Variants in MINAR1 observed in about 807,000 individuals in gnomAD.
MINAR1 encodes the protein membrane integral NOTCH2 associated receptor 1.
In MINAR1, 40 loss-of-function variants were observed where a neutral mutation model predicts 65.1. The ratio of observed to expected loss-of-function variants is 0.61; its 90% CI spans 0.48 to 0.80. MINAR1 has a LOEUF of 0.80. MINAR1 is among the 30% of genes least tolerant of loss of function. MINAR1 has a pLI of 0.00. For synonymous variants in MINAR1, 482 were observed against 449.1 expected, an observed-to-expected ratio of 1.07 and a Z score of -0.93; for missense variants, 1,128 against 1,148.0, an observed-to-expected ratio of 0.98 and a Z score of 0.25.
Position 79,457,615 on chromosome 15 carries a change from CTG to C in MINAR1, c.1471_1472del (p.Cys491HisfsTer9). The C allele has an allele frequency of 6.2e-7, 1 of 1,614,156 alleles. No homozygotes were observed. Among genetic ancestry groups the C allele is most frequent in the Non-Finnish European group, 8.5e-7 (1 of 1,180,034 alleles). ...GCTGGAGCCCAAGAAATGCAGAGACCTGTGCACCTCTGGTCAGGGCAAGTACA... is the reference window on the plus strand; with the variant it reads ...GCTGGAGCCCAAGAAATGCAGAGACCTGCACCTCTGGTCAGGGCAAGTACA... ...HVLEPKKCRDLCTSGQGKYSD... is the reference protein window; with the variant it reads ...HVLEPKKCRDXCTSGQGKYSD... On this transcript the variant is annotated frameshift_variant, in exon 2 of 4. Transcript: ENST00000305428. LOFTEE classifies it high-confidence loss of function.
At chr15:79,462,975 T>G in intron 2 of MINAR1, 92 bp from the exon 3 acceptor site, 1 of 1,412,074 alleles carries the variant, frequency 7.1e-7, no homozygotes, top group Non-Finnish European at 9.6e-7. Context: ...GCTACCTGAA[T>G]GTCTACAGGA....
chr15:79,441,976 T>C (rs191358243), intron 1 of MINAR1, among the ~76,000 whole-genome samples: 82 of 152,226 alleles, frequency 5.4e-4, no homozygotes, highest in African/African-American at 1.8e-3. Flanking sequence ...TTGTTCATTA[T>C]TTCATATACA....
intron 1 of MINAR1, among the ~76,000 whole-genome samples, chr15:79,436,546 G>A (rs148123077): frequency 5.2e-4 from 79 of 152,278 alleles, no homozygotes; most frequent in Middle Eastern, 6.8e-3. Flanking sequence ...ATTAAAAGCC[G>A]GATAATAAAC....
At chr15:79,433,851 G>A (rs1894521530) in intron 1 of MINAR1, among the ~76,000 whole-genome samples, 1 of 152,182 alleles carries the variant, frequency 6.6e-6, no homozygotes, top group Non-Finnish European at 1.5e-5. Flanking sequence ...CCCTCATTGA[G>A]AGCCCGGCGG....
intron 3 of MINAR1, among the ~76,000 whole-genome samples, chr15:79,467,939 T>C (rs1895933701): frequency 6.6e-6 from 1 of 152,158 alleles, no homozygotes; most frequent in Non-Finnish European, 1.5e-5. Flanking sequence ...AAAAGACCCT[T>C]GGGTTTCTCT....
the MINAR1 span, chr15:79,426,373 T>C: frequency 2.6e-5 from 4 of 152,188 alleles, no homozygotes; most frequent in African/African-American, 2.4e-5. Flanking sequence ...GGCAAAAGCA[T>C]TGGGTTGGCC....
In MINAR1 at chr15:79,468,476, A is replaced by G; in HGVS notation, c.*92A>G. 5 of 1,140,560 alleles carry G rather than the reference A, an allele frequency of 4.4e-6. No homozygotes were observed. Among genetic ancestry groups the G allele is most frequent in the Non-Finnish European group, 6.2e-6 (5 of 802,150 alleles). The allele number at this position is 1,140,560 out of a possible 1,614,324, so 70.7% of individuals were successfully genotyped here. ...CAGCAGTGAGGCAACAATTTGTTGA[A>G]ATGGAGATGAAATCATGGAGGCATT... On this transcript the variant is annotated 3_prime_UTR_variant, in exon 4 of 4. Coordinates refer to ENST00000305428, the MANE Select transcript of MINAR1 (RefSeq NM_015206.3).
chr15:79,449,757 C>T (rs560761347), intron 1 of MINAR1, among the ~76,000 whole-genome samples: 1 of 152,326 alleles, frequency 6.6e-6, no homozygotes, highest in African/African-American at 2.4e-5. Flanking sequence ...TGAAGGGACA[C>T]AATCAAACCA....
At chr15:79,454,704 G>A (rs996977856) in intron 1 of MINAR1, among the ~76,000 whole-genome samples, 5 of 151,976 alleles carry the variant, frequency 3.3e-5, no homozygotes, top group South Asian at 2.1e-4. Context: ...AATAACAAAT[G>A]CTCATTGTAA....
intron 1 of MINAR1, among the ~76,000 whole-genome samples, chr15:79,447,414 A>G (rs1895054305): frequency 6.6e-6 from 1 of 151,820 alleles, no homozygotes; most frequent in Non-Finnish European, 1.5e-5. Flanking sequence ...TATTAATTTT[A>G]TGCCTTTACT....
chr15:79,436,552 T>C, intron 1 of MINAR1, among the ~76,000 whole-genome samples: 1 of 152,342 alleles, frequency 6.6e-6, no homozygotes, highest in East Asian at 1.9e-4. Flanking sequence ...AGCCGGATAA[T>C]AAACAGAAGG....
chr15:79,458,304 A>G lies in MINAR1; in HGVS notation c.2157A>G (p.Thr719=), dbSNP rs779523665. The change falls in exon 2 of 4, where the codon ACA becomes ACG. Residue 719 remains threonine, a synonymous_variant. Coordinates refer to ENST00000305428, the MANE Select transcript of MINAR1 (RefSeq NM_015206.3). ...SRSLTEENSA[T]ESKIASISNS... ...CCCTAACAGAGGAGAACAGTGCCAC[A>G]GAGTCCAAAATTGCCAGCATCTCCA... 7.4e-6 allele frequency: 12 copies of G among 1,614,216 alleles called. No homozygotes were observed. The South Asian group carries it at 1.1e-4, about 15-fold the overall frequency.
At chr15:79,435,756 T>C (rs183320175) in intron 1 of MINAR1, among the ~76,000 whole-genome samples, 2 of 152,370 alleles carry the variant, frequency 1.3e-5, no homozygotes, top group African/African-American at 4.8e-5. Flanking sequence ...TATTTGTTGC[T>C]ATATCTCTAG....
intron 1 of MINAR1, among the ~76,000 whole-genome samples, chr15:79,444,880 T>C (rs1035984195): frequency 6.6e-6 from 1 of 152,122 alleles, no homozygotes; most frequent in Non-Finnish European, 1.5e-5. Flanking sequence ...CCAGGTTCTC[T>C]ATATGTATAG....
intron 1 of MINAR1, among the ~76,000 whole-genome samples, chr15:79,454,882 C>T (rs931131765): frequency 1.3e-5 from 2 of 151,928 alleles, no homozygotes; most frequent in South Asian, 2.1e-4. Flanking sequence ...GCCAGTGCAC[C>T]CTTAAGATTT....
chr15:79,440,858 C>CT (rs1412910038), intron 1 of MINAR1, among the ~76,000 whole-genome samples: 1 of 152,158 alleles, frequency 6.6e-6, no homozygotes, highest in Non-Finnish European at 1.5e-5. Context: ...CTAAATTTTA[C>CT]TTTTCTATTT....
chr15:79,436,394 G>T (rs551312919), intron 1 of MINAR1, among the ~76,000 whole-genome samples: 2 of 152,248 alleles, frequency 1.3e-5, no homozygotes, highest in South Asian at 4.2e-4. Flanking sequence ...GAGCTTATTT[G>T]GTAATATACT....
intron 1 of MINAR1, among the ~76,000 whole-genome samples, chr15:79,445,183 TATA>T (rs3040492): frequency 5.9e-5 from 9 of 152,198 alleles, no homozygotes; most frequent in East Asian, 1.9e-4. Context: ...TTTATGTTAA[TATA>T]ATAATAATGT....
At chr15:79,442,745 A>G (rs1367904377) in intron 1 of MINAR1, among the ~76,000 whole-genome samples, 1 of 151,878 alleles carries the variant, frequency 6.6e-6, no homozygotes, top group Non-Finnish European at 1.5e-5. Flanking sequence ...AAGCAGATAA[A>G]TTGGAACTTG....
Sources: allele counts gnomAD v4.1 joint callset (sites outside exome capture counted in the v4.1 genomes callset), GRCh38; gene constraint gnomAD v4.1.1; transcripts MANE v1.5; gene names NCBI Gene and HGNC (gene_info 2026-07-23, HGNC 2026-07-21).